MDGA2: variants seen among roughly 807,000 people sequenced by gnomAD.
MDGA2 encodes MAM domain containing glycosylphosphatidylinositol anchor 2.
Under a neutral mutation model 117.8 loss-of-function variants are expected in MDGA2, and 40 were observed. The observed-to-expected ratio is 0.34, with a 90% CI of 0.26 to 0.44. The LOEUF is 0.44. MDGA2 is among the 20% of genes least tolerant of loss of function. MDGA2 has a pLI of 1.00. For synonymous variants in MDGA2, 452 were observed against 439.0 expected (o/e 1.03, Z -0.37); for missense variants, 1,123 against 1,250.6 (o/e 0.90, Z 1.54).
chr14:47,157,613 G>A (rs1190643427), intron 3 of MDGA2, among the ~76,000 whole-genome samples: 2 of 151,104 alleles, frequency 1.3e-5, no homozygotes, highest in Non-Finnish European at 3.0e-5. Flanking sequence ...GTGTGTGTGT[G>A]TGTGTGTGTG....
intron 1 of MDGA2, among the ~76,000 whole-genome samples, chr14:47,374,736 C>T (rs1417114438): frequency 6.6e-6 from 1 of 151,856 alleles, no homozygotes; most frequent in Non-Finnish European, 1.5e-5. Flanking sequence ...CTTTCTCAAA[C>T]GGATGAATGT....
intron 1 of MDGA2, among the ~76,000 whole-genome samples, chr14:47,523,521 G>C: frequency 6.6e-6 from 1 of 152,150 alleles, no homozygotes. Context: ...AGAATACTTA[G>C]AGGTTAACAT....
At chr14:46,980,893 C>G (rs1335094026) in intron 8 of MDGA2, among the ~76,000 whole-genome samples, 1 of 151,992 alleles carries the variant, frequency 6.6e-6, no homozygotes, top group Non-Finnish European at 1.5e-5. Context: ...ACTAGGAAAC[C>G]AAAAAATTGT....
At chr14:46,945,675 A>C (rs2138593859) in intron 9 of MDGA2, among the ~76,000 whole-genome samples, 1 of 152,184 alleles carries the variant, frequency 6.6e-6, no homozygotes, top group African/African-American at 2.4e-5. Context: ...CTCGGCTTGG[A>C]ATCTACCTTG....
At chr14:46,890,662 G>A (rs767265139) in intron 10 of MDGA2, among the ~76,000 whole-genome samples, 13 of 152,028 alleles carry the variant, frequency 8.6e-5, no homozygotes, top group Non-Finnish European at 1.0e-4. Context: ...CTGAAGAGAT[G>A]TGAACTGGCT....
At chr14:47,081,197 C>T (rs995776298) in intron 6 of MDGA2, among the ~76,000 whole-genome samples, 9 of 151,850 alleles carry the variant, frequency 5.9e-5, no homozygotes, top group African/African-American at 2.2e-4. Context: ...TCATAAACAA[C>T]TCTTTCTCAA....
chr14:47,259,586 T>C (rs532383793), intron 2 of MDGA2, among the ~76,000 whole-genome samples: 3 of 152,218 alleles, frequency 2.0e-5, no homozygotes, highest in South Asian at 4.1e-4. Context: ...AGGACACTTT[T>C]CTCTTGTGAC....
chr14:47,190,930 A>T (rs10873004), intron 3 of MDGA2, among the ~76,000 whole-genome samples: 33,214 of 152,030 alleles, frequency 0.22, 4,107 homozygotes, highest in East Asian at 0.35. Context: ...GTTAGAGGTC[A>T]GTTAGTGCAG....
chr14:47,035,739 T>C (rs897829421), intron 7 of MDGA2, among the ~76,000 whole-genome samples: 2 of 152,180 alleles, frequency 1.3e-5, no homozygotes, highest in African/African-American at 4.8e-5. Flanking sequence ...GTTTAAAACT[T>C]GCCAAATTGC....
chr14:46,917,379 G>A (rs534383986), intron 10 of MDGA2, among the ~76,000 whole-genome samples: 1 of 152,274 alleles, frequency 6.6e-6, no homozygotes, highest in South Asian at 2.1e-4. Flanking sequence ...CTGCACAAGA[G>A]TACCTGGCCT....
intron 1 of MDGA2, among the ~76,000 whole-genome samples, chr14:47,378,829 A>C (rs1462689924): frequency 6.6e-6 from 1 of 152,200 alleles, no homozygotes; most frequent in Non-Finnish European, 1.5e-5. Context: ...CCAACCTAGC[A>C]AGGGAGGCCA....
intron 16 of MDGA2, among the ~76,000 whole-genome samples, chr14:46,843,716 A>T (rs1308069721): frequency 3.3e-5 from 5 of 152,168 alleles, no homozygotes; most frequent in African/African-American, 1.2e-4. Context: ...ATGAGTAATC[A>T]GTGGACAATT....
At chr14:47,386,703 TAATAAG>T (rs963964396) in intron 1 of MDGA2, among the ~76,000 whole-genome samples, 1 of 152,072 alleles carries the variant, frequency 6.6e-6, no homozygotes, top group Non-Finnish European at 1.5e-5. Context: ...TAATAAATAA[TAATAAG>T]AAGAAGAATC....
chr14:46,864,713 A>G (rs1164646879), intron 14 of MDGA2, among the ~76,000 whole-genome samples: 1 of 151,710 alleles, frequency 6.6e-6, no homozygotes, highest in Non-Finnish European at 1.5e-5. Context: ...ACAGGACTTC[A>G]CTGAGAGCAT....
chr14:46,856,014 T>A (rs1881255221), intron 14 of MDGA2, among the ~76,000 whole-genome samples: 1 of 152,102 alleles, frequency 6.6e-6, no homozygotes, highest in African/African-American at 2.4e-5. Flanking sequence ...GATAATGATA[T>A]TAATACAATA....
chr14:47,660,619 A>G (rs1897827934), intron 1 of MDGA2, among the ~76,000 whole-genome samples: 1 of 152,226 alleles, frequency 6.6e-6, no homozygotes, highest in African/African-American at 2.4e-5. Flanking sequence ...CTCTGCGCGA[A>G]AAATGCCCAA....
chr14:47,540,520 A>ATGTCTGTGTGTGTG (rs1555330648), intron 1 of MDGA2, among the ~76,000 whole-genome samples: 17 of 102,926 alleles, frequency 1.7e-4, no homozygotes, highest in Non-Finnish European at 1.6e-4. Flanking sequence ...GTATATGTAT[A>ATGTCTGTGTGTGTG]TGTGTGTGTG....
intron 10 of MDGA2, among the ~76,000 whole-genome samples, chr14:46,891,261 ACT>A (rs1882873356): frequency 6.6e-6 from 1 of 151,788 alleles, no homozygotes; most frequent in African/African-American, 2.4e-5. Flanking sequence ...TTATATTTTA[ACT>A]CTTTCTATTA....
chr14:47,079,139 A>AAGGGT (rs1344587824), intron 6 of MDGA2, among the ~76,000 whole-genome samples: 3 of 152,186 alleles, frequency 2.0e-5, no homozygotes, highest in African/African-American at 7.2e-5. Flanking sequence ...TTGACATAAA[A>AAGGGT]ATTCCTTAAT....
Sources: allele counts gnomAD v4.1 joint callset (sites outside exome capture counted in the v4.1 genomes callset), GRCh38; gene constraint gnomAD v4.1.1; transcripts MANE v1.5; gene names NCBI Gene and HGNC (gene_info 2026-07-23, HGNC 2026-07-21).